DMD: variants seen among roughly 807,000 people sequenced by gnomAD.
DMD encodes the protein mutant dystrophin.
Under a neutral mutation model 330.1 loss-of-function variants are expected in DMD, and 63 were observed. That is an observed-to-expected ratio of 0.19 (90% confidence interval 0.16 to 0.24). The LOEUF (loss-of-function observed/expected upper bound fraction) is 0.24, where lower values mean the gene tolerates loss of function less well. DMD is among the 10% of genes least tolerant of loss of function. The pLI is 1.00. For synonymous variants in DMD, 1,223 were observed against 959.8 expected (o/e 1.27, Z -5.07); for missense variants, 3,344 against 2,684.1 (o/e 1.25, Z -5.43).
intron 11 of DMD, among the ~76,000 whole-genome samples, chrX:32,635,902 C>G (rs1364593020): frequency 1.8e-5 from 2 of 111,734 alleles, no homozygotes; most frequent in African/African-American, 6.5e-5. Context: ...CTCATGCTAA[C>G]TTTCTGAATG....
At chrX:32,368,097 A>T (rs113004474) in intron 34 of DMD, among the ~76,000 whole-genome samples, 1 of 111,259 alleles carries the variant, frequency 9.0e-6, no homozygotes, top group Non-Finnish European at 1.9e-5. Flanking sequence ...GACTTAAATA[A>T]GACTTAGCCT....
chrX:32,894,523 C>A (rs746459017), intron 2 of DMD, among the ~76,000 whole-genome samples: 7 of 112,542 alleles, frequency 6.2e-5, no homozygotes. Context: ...TTTACTTAAC[C>A]CTCTGCCCTT....
At chrX:31,150,710 A>T (rs2147970944) in intron 74 of DMD, among the ~76,000 whole-genome samples, 1 of 111,778 alleles carries the variant, frequency 8.9e-6, no homozygotes, top group Admixed American at 9.5e-5. Flanking sequence ...TCTGCTAAAT[A>T]TTTTCTGTTG....
At chrX:32,653,701 A>T (rs1426652043) in intron 9 of DMD, among the ~76,000 whole-genome samples, 1 of 111,808 alleles carries the variant, frequency 8.9e-6, no homozygotes, top group East Asian at 2.8e-4. Flanking sequence ...GTAGAAAGTC[A>T]TTGGTAGCTT....
intron 59 of DMD, among the ~76,000 whole-genome samples, chrX:31,472,378 G>C (rs964553215): frequency 9.8e-5 from 11 of 111,712 alleles, no homozygotes; most frequent in African/African-American, 3.6e-4. Flanking sequence ...CATATAAATG[G>C]GAAGCATAAC....
At chrX:31,426,921 G>T (rs993322528) in intron 60 of DMD, among the ~76,000 whole-genome samples, 2 of 111,983 alleles carry the variant, frequency 1.8e-5, no homozygotes, top group African/African-American at 6.5e-5. Flanking sequence ...ACTTTAAATG[G>T]TCTGGAATCA....
chrX:32,096,684 C>A (rs1370635707), intron 44 of DMD, among the ~76,000 whole-genome samples: 7 of 111,220 alleles, frequency 6.3e-5, no homozygotes, highest in African/African-American at 2.3e-4. Context: ...CACTGGAGAG[C>A]TGAGGACCCA....
intron 55 of DMD, among the ~76,000 whole-genome samples, chrX:31,527,014 G>A (rs1252869871): frequency 9.0e-6 from 1 of 111,181 alleles, no homozygotes; most frequent in Non-Finnish European, 1.9e-5. Flanking sequence ...GGAGGCTGAG[G>A]TGGGAGGGAG....
intron 4 of DMD, among the ~76,000 whole-genome samples, chrX:32,831,637 G>C (rs1480595999): frequency 1.0e-5 from 1 of 100,226 alleles, no homozygotes; most frequent in East Asian, 3.4e-4. Context: ...TTACATTCCT[G>C]TAAGATATTT....
chrX:32,454,771 T>A lies in DMD; in HGVS notation c.3494A>T (p.Asp1165Val). ...GLEKTVSLQK[D>V]LSEMHEWMTQ... ...CATCCATTCGTGCATCTCTGATAGA[T>A]CTTTCTGGAGGCTTACAGTTTTCTC... Residue 1165 changes from aspartate to valine, a missense_variant, in exon 26 of 79, where the codon GAT becomes GTT. Transcript: ENST00000357033. 1 of 1,207,462 alleles carries A rather than the reference T, an allele frequency of 8.3e-7. No homozygotes were observed. Among genetic ancestry groups the A allele is most frequent in the Non-Finnish European group, 1.1e-6 (1 of 892,845 alleles).
intron 29 of DMD, among the ~76,000 whole-genome samples, chrX:32,419,248 G>A (rs933765160): frequency 1.8e-5 from 2 of 111,576 alleles, no homozygotes; most frequent in Non-Finnish European, 3.8e-5. Context: ...GGGAGAAGAG[G>A]ATAATTTACA....
At chrX:31,571,184 A>G (rs2075792245) in intron 55 of DMD, among the ~76,000 whole-genome samples, 1 of 110,253 alleles carries the variant, frequency 9.1e-6, no homozygotes, top group Admixed American at 9.7e-5. Flanking sequence ...AGATTCCAGT[A>G]TTTTATATGT....
intron 13 of DMD, among the ~76,000 whole-genome samples, chrX:32,595,504 C>T (rs1023988965): frequency 9.0e-6 from 1 of 111,225 alleles, no homozygotes; most frequent in African/African-American, 3.3e-5. Flanking sequence ...TGCTTCCCAG[C>T]CTTATTTAAT....
intron 11 of DMD, chrX:32,641,409 T>TATATATATATAC (rs1491341537): frequency 9.0e-5 from 2 of 22,285 alleles, no homozygotes; most frequent in Admixed American, 1.0e-3. Flanking sequence ...ATTTTATACG[T>TATATATATATAC]ATATATATAT....
intron 15 of DMD, 106 bp from the exon 16 acceptor site, chrX:32,565,987 A>G: frequency 1.4e-6 from 1 of 724,398 alleles, no homozygotes; most frequent in Non-Finnish European, 2.1e-6. Context: ...AGATAAGAAA[A>G]TATTTCAATC....
intron 76 of DMD, among the ~76,000 whole-genome samples, chrX:31,143,192 C>G (rs1237747512): frequency 1.8e-5 from 2 of 111,506 alleles, no homozygotes; most frequent in African/African-American, 6.5e-5. Flanking sequence ...CCATCCAAAT[C>G]TCATGTTGAA....
rs192605887 is a variant in DMD at position 31,709,702 on chromosome X, C to A, written c.7660+19929G>T. ...TTTTCAATTAATAGCAAGTTCTTTA[C>A]ATTTTTAAACTATATTTTAAGAGTG... is the stretch of plus-strand genomic sequence containing the variant. On this transcript the variant is annotated intron_variant, in intron 52 of 78. Coordinates refer to ENST00000357033, the MANE Select transcript of DMD (RefSeq NM_004006.3). Among the ~76,000 whole-genome samples, 467 of 109,394 alleles carry A rather than the reference C, an allele frequency of 4.3e-3. 4 individuals carry two copies. Among genetic ancestry groups the A allele is most frequent in the South Asian group, 6.0e-3 (15 of 2,502 alleles). The allele number at this position is 109,394 out of a possible 115,157, so 95.0% of individuals were successfully genotyped here. A position where few individuals can be genotyped will look rare whatever the true frequency, so the allele number is the denominator to read the frequency against.
chrX:32,081,683 C>T (rs1044147745), intron 44 of DMD, among the ~76,000 whole-genome samples: 4 of 110,734 alleles, frequency 3.6e-5, no homozygotes, highest in South Asian at 3.8e-4. Context: ...GATGAAACCC[C>T]GTCTCTACTA....
At chrX:32,985,095 G>A (rs182799341) in intron 2 of DMD, among the ~76,000 whole-genome samples, 492 of 112,057 alleles carry the variant, frequency 4.4e-3, no homozygotes, top group African/African-American at 9.4e-3. Context: ...TCATGCTTTC[G>A]CAGTTTCTAT....
Sources: allele counts gnomAD v4.1 joint callset (sites outside exome capture counted in the v4.1 genomes callset), GRCh38; gene constraint gnomAD v4.1.1; transcripts MANE v1.5; gene names NCBI Gene and HGNC (gene_info 2026-07-23, HGNC 2026-07-21).